UBASH3B: variants seen among roughly 807,000 people sequenced by gnomAD.
UBASH3B encodes ubiquitin associated and SH3 domain containing B.
Under a neutral mutation model 83.4 loss-of-function variants are expected in UBASH3B, and 37 were observed. The observed-to-expected ratio is 0.44, with a 90% CI of 0.34 to 0.58. UBASH3B has a LOEUF of 0.58. Ranked by LOEUF, UBASH3B falls within the 20% of genes least tolerant of loss-of-function variation. The pLI, the probability that UBASH3B is intolerant of heterozygous loss-of-function variation, is 0.01. For synonymous variants in UBASH3B, 304 were observed against 318.3 expected (o/e 0.96, Z 0.48); for missense variants, 657 against 827.2 (o/e 0.79, Z 2.52).
chr11:122,803,469 C>G (rs1036915783), intron 11 of UBASH3B, among the ~76,000 whole-genome samples: 1 of 152,066 alleles, frequency 6.6e-6, no homozygotes, highest in Admixed American at 6.6e-5. Flanking sequence ...GACTGAAAGC[C>G]GAGTTAGGGA....
At chr11:122,773,007 A>C (rs1860673589) in intron 1 of UBASH3B, among the ~76,000 whole-genome samples, 1 of 152,204 alleles carries the variant, frequency 6.6e-6, no homozygotes, top group Non-Finnish European at 1.5e-5. Flanking sequence ...GATTGCTGTA[A>C]TTTGTTGCTA....
intron 1 of UBASH3B, among the ~76,000 whole-genome samples, chr11:122,672,850 T>C (rs1863616860): frequency 6.6e-6 from 1 of 152,098 alleles, no homozygotes; most frequent in African/African-American, 2.4e-5. Flanking sequence ...CTAAAGTCCC[T>C]GGGGGACCAG....
chr11:122,712,492 G>A (rs1169527160), intron 1 of UBASH3B, among the ~76,000 whole-genome samples: 1 of 152,146 alleles, frequency 6.6e-6, no homozygotes, highest in Non-Finnish European at 1.5e-5. Context: ...TCTCATGCTT[G>A]CTTCCATCCT....
In UBASH3B at chr11:122,810,077, G is replaced by A. The variant is rs530377262; in HGVS notation, c.*191G>A. ...AAGACTTGATTCAGAGGAAAAAAAT[G>A]TGTTCTCTCTGGACTCTTGCCTAGC... On this transcript the variant is annotated 3_prime_UTR_variant, in exon 14 of 14. Coordinates refer to ENST00000284273, the MANE Select transcript of UBASH3B (RefSeq NM_032873.5). 4.6e-6 allele frequency: 3 copies of A among 655,554 alleles called. No homozygotes were observed. Among genetic ancestry groups the A allele is most frequent in the East Asian group, 5.9e-5 (2 of 33,830 alleles). The allele number at this position is 655,554 out of a possible 1,614,324, so 40.6% of individuals were successfully genotyped here. A position where few individuals can be genotyped will look rare whatever the true frequency, so the allele number is the denominator to read the frequency against.
chr11:122,690,184 A>ATATATATATATCCAAT (rs1565530193), intron 1 of UBASH3B, among the ~76,000 whole-genome samples: 2 of 21,206 alleles, frequency 9.4e-5, no homozygotes, highest in African/African-American at 3.2e-4. Flanking sequence ...ATATATATAT[A>ATATATATATATCCAAT]TATATATATA....
Position 122,789,118 on chromosome 11 carries a change from C to A in UBASH3B, c.790C>A (p.Pro264Thr). The A allele has an allele frequency of 6.2e-7, 1 of 1,613,196 alleles. No individual in the cohort carries two copies. The highest frequency in any genetic ancestry group is 8.5e-7 in the Non-Finnish European group (1 of 1,179,930). The change falls in exon 6 of 14, where the codon CCC (proline) becomes ACC (threonine). Residue 264 changes from proline to threonine, a missense_variant. Pro to Thr is a conservative substitution (Grantham distance 38). Around this residue, in one of 3 missense-constraint regions of UBASH3B, gnomAD observed 573 missense variants for 739.0 expected, o/e 0.78. Coordinates refer to ENST00000284273, the MANE Select transcript of UBASH3B (RefSeq NM_032873.5). ...ANHETLQVIY[P>T]YTPQNDDELE... is the part of the protein sequence containing the mutation. ...TTTCCAGACATTACAGGTCATCTAC[C>A]CCTATACCCCACAAAATGACGATGA... is the stretch of plus-strand genomic sequence containing the variant.
At position 122,683,619 on chromosome 11, in the gene UBASH3B, AT is replaced by A. The variant is rs1262903808; in HGVS notation, c.161+27410del. On this transcript the variant is annotated intron_variant, in intron 1 of 13. Coordinates refer to ENST00000284273, the MANE Select transcript of UBASH3B (RefSeq NM_032873.5). ...GACTCCTTCTCAAAAAAAAAAAAAA[AT>A]AATAATAATAAAATAAAATATGACC... Among the ~76,000 whole-genome samples, 423 of 148,768 alleles carry A rather than the reference AT, an allele frequency of 2.8e-3. 1 individual carries two copies. The highest frequency in any genetic ancestry group is 1.0e-2 in the African/African-American group (400 of 40,048).
chr11:122,798,795 C>A, intron 9 of UBASH3B, 147 bp from the exon 10 acceptor site: 3 of 544,646 alleles, frequency 5.5e-6, no homozygotes, highest in South Asian at 2.6e-5. Flanking sequence ...TAGAAACTAA[C>A]AAAGGCTGAA....
At chr11:122,727,101 T>C (rs1468829442) in intron 1 of UBASH3B, among the ~76,000 whole-genome samples, 1 of 152,232 alleles carries the variant, frequency 6.6e-6, no homozygotes, top group African/African-American at 2.4e-5. Context: ...TTCTGAGCCT[T>C]AATTAGCAGC....
At chr11:122,672,514 T>C (rs1320052454) in intron 1 of UBASH3B, among the ~76,000 whole-genome samples, 4 of 152,080 alleles carry the variant, frequency 2.6e-5, no homozygotes, top group African/African-American at 9.7e-5. Context: ...TTAGTAGAGA[T>C]GGGGTTTCAC....
At chr11:122,663,103 A>G (rs915512029) in intron 1 of UBASH3B, among the ~76,000 whole-genome samples, 5 of 149,556 alleles carry the variant, frequency 3.3e-5, no homozygotes, top group Non-Finnish European at 7.4e-5. Flanking sequence ...CAGCCTCCTG[A>G]GTTACTGGGA....
chr11:122,728,226 A>G (rs1158068100), intron 1 of UBASH3B, among the ~76,000 whole-genome samples: 5 of 152,134 alleles, frequency 3.3e-5, no homozygotes, highest in African/African-American at 4.8e-5. Flanking sequence ...TTGAGTTTAC[A>G]TGGGGAATAT....
At chr11:122,772,678 A>C (rs1332856528) in intron 1 of UBASH3B, among the ~76,000 whole-genome samples, 1 of 152,146 alleles carries the variant, frequency 6.6e-6, no homozygotes, top group Non-Finnish European at 1.5e-5. Flanking sequence ...TGAGGGCAGA[A>C]AGTAGGAAGA....
At chr11:122,790,982 G>A (rs1733970208) in intron 6 of UBASH3B, among the ~76,000 whole-genome samples, 1 of 151,434 alleles carries the variant, frequency 6.6e-6, no homozygotes. Context: ...TATATGAGAA[G>A]CAGTGCTGAT....
chr11:122,739,407 A>G (rs4421757), intron 1 of UBASH3B, among the ~76,000 whole-genome samples: 90,359 of 151,998 alleles, frequency 0.59, 27,609 homozygotes, highest in African/African-American at 0.74. Flanking sequence ...TCAAGACTCA[A>G]TTTCTCCACT....
At position 122,730,478 on chromosome 11, in the gene UBASH3B, C is replaced by T. The variant is rs138741955; in HGVS notation, c.162-45741C>T. 2.4e-3 allele frequency among the ~76,000 whole-genome samples: 371 copies of T among 152,280 alleles called. 2 individuals are homozygous for T. The highest frequency in any genetic ancestry group is 7.8e-3 in the African/African-American group (325 of 41,568). On this transcript the variant is annotated intron_variant, in intron 1 of 13. Transcript: ENST00000284273. ...TTTCAGGTCAGCCTCCTCAGACACC[C>T]AGAGAGGCCTATCCTAAGCCAAACC...
At chr11:122,768,234 T>G (rs1305373705) in intron 1 of UBASH3B, among the ~76,000 whole-genome samples, 2 of 152,224 alleles carry the variant, frequency 1.3e-5, no homozygotes, top group South Asian at 2.1e-4. Flanking sequence ...CAGACCTGAT[T>G]GGCTCCATTT....
intron 1 of UBASH3B, among the ~76,000 whole-genome samples, chr11:122,767,306 T>TTTTAGTTTTG (rs1860561700): frequency 1.3e-5 from 2 of 150,044 alleles, no homozygotes; most frequent in Non-Finnish European, 1.5e-5. Flanking sequence ...TAAAGGTTTC[T>TTTTAGTTTTG]TTTTGTTTTG....
chr11:122,703,380 T>C (rs1054813245), intron 1 of UBASH3B, among the ~76,000 whole-genome samples: 11 of 152,070 alleles, frequency 7.2e-5, no homozygotes, highest in Non-Finnish European at 1.3e-4. Flanking sequence ...TGGGCCGAGA[T>C]TGTGCCACTG....
Sources: allele counts gnomAD v4.1 joint callset (sites outside exome capture counted in the v4.1 genomes callset), GRCh38; gene constraint gnomAD v4.1.1; regional missense constraint gnomAD v4.1.1; transcripts MANE v1.5; gene names NCBI Gene and HGNC (gene_info 2026-07-23, HGNC 2026-07-21).